Variants in CRKL observed in about 807,000 individuals in gnomAD.
The protein encoded by CRKL is CRK like proto-oncogene, adaptor protein.
Under a neutral mutation model 23.0 loss-of-function variants are expected in CRKL, and 3 were observed. The ratio of observed to expected loss-of-function variants is 0.13; its 90% CI spans 0.06 to 0.34. The LOEUF (loss-of-function observed/expected upper bound fraction) is 0.34. Ranked by LOEUF, CRKL falls within the 10% of genes least tolerant of loss-of-function variation. The pLI is 1.00. For synonymous variants in CRKL, 188 were observed against 160.7 expected (o/e 1.17, Z -1.28); for missense variants, 256 against 394.5 (o/e 0.65, Z 2.97).
At chr22:20,947,246 T>G (rs1372670565) in intron 2 of CRKL, among the ~76,000 whole-genome samples, 1 of 151,914 alleles carries the variant, frequency 6.6e-6, no homozygotes, top group Non-Finnish European at 1.5e-5. Flanking sequence ...TCTCTCTTTT[T>G]TTTTTTTTTC....
intron 1 of CRKL, among the ~76,000 whole-genome samples, chr22:20,931,406 C>CA (rs1225101227): frequency 3.3e-5 from 5 of 151,440 alleles, no homozygotes; most frequent in East Asian, 1.9e-4. Flanking sequence ...GACCCTGTCT[C>CA]AAAAAAAAGA....
intron 1 of CRKL, among the ~76,000 whole-genome samples, chr22:20,928,097 T>C (rs921043499): frequency 1.3e-5 from 2 of 151,882 alleles, no homozygotes; most frequent in African/African-American, 4.8e-5. Flanking sequence ...GCAGAGGTTT[T>C]GGTGAGCTGA....
intron 2 of CRKL, among the ~76,000 whole-genome samples, chr22:20,946,895 T>G (rs1170047406): frequency 7.9e-5 from 12 of 152,186 alleles, no homozygotes; most frequent in Non-Finnish European, 2.9e-5. Flanking sequence ...AAGCACTGTT[T>G]GGTAGAGCCA....
rs776895332 is a variant in CRKL, at chr22:20,918,242, C to A, written c.308C>A (p.Pro103His). Residue 103 changes from proline to histidine, a missense_variant, in exon 1 of 3, where the codon CCC becomes CAC. By Grantham distance (77) the Pro-to-His change is moderately conservative (BLOSUM62 -2). This residue lies in a region of CRKL where 42 missense variants were observed against 32.7 expected (regional missense o/e 1.29). Coordinates refer to ENST00000354336, the MANE Select transcript of CRKL (RefSeq NM_005207.4). Reference protein sequence around the residue: ...LDTTTLIEPAPRYPSPPMGSV... With the variant: ...LDTTTLIEPAHRYPSPPMGSV... ...ACCACCACCCTCATCGAGCCTGCGC[C>A]CAGGTACGCGAGAGCCCTCCCCGAC... 9 of 1,613,562 alleles carry A rather than the reference C, an allele frequency of 5.6e-6. No homozygotes were observed. The South Asian group carries it at 9.9e-5, about 18-fold the overall frequency.
intron 2 of CRKL, among the ~76,000 whole-genome samples, chr22:20,946,519 A>AT (rs1569138305): frequency 6.6e-6 from 1 of 152,140 alleles, no homozygotes; most frequent in African/African-American, 2.4e-5. Context: ...GTGAAAATTA[A>AT]TAAGGATGAT....
intron 1 of CRKL, among the ~76,000 whole-genome samples, chr22:20,926,895 T>C (rs1485651848): frequency 2.0e-5 from 3 of 151,918 alleles, no homozygotes; most frequent in East Asian, 1.9e-4. Context: ...GTGGATTGCC[T>C]GAGCTCATGC....
rs1231563303 is a variant in CRKL, at chr22:20,941,536, TTATG to T, written c.777+7294_777+7297del. On this transcript the variant is annotated intron_variant, in intron 2 of 2. Coordinates refer to ENST00000354336, the MANE Select transcript of CRKL (RefSeq NM_005207.4). ...GTGTATGTGTATATATATATATATT[TTATG>T]TGTGTGTGTGTGTGTGTGTGTGTGT... Among the ~76,000 whole-genome samples, 128 of 80,706 alleles carry T rather than the reference TTATG, an allele frequency of 1.6e-3. 9 individuals carry two copies. The highest frequency in any genetic ancestry group is 4.8e-3 in the African/African-American group (116 of 24,128). The allele number at this position is 80,706 out of a possible 152,430, so 52.9% of individuals were successfully genotyped here.
At chr22:20,941,590 T>TATATA (rs1921885807) in intron 2 of CRKL, among the ~76,000 whole-genome samples, 1 of 53,262 alleles carries the variant, frequency 1.9e-5, no homozygotes, top group African/African-American at 8.8e-5. Context: ...ATATATATAT[T>TATATA]TTTTTTTTTT....
In CRKL at chr22:20,952,037, C is replaced by T. The variant is rs1010332916; in HGVS notation, c.*2192C>T. On this transcript the variant is annotated 3_prime_UTR_variant, in exon 3 of 3. Coordinates refer to ENST00000354336, the MANE Select transcript of CRKL (RefSeq NM_005207.4). The stretch of plus-strand genomic sequence containing the variant: ...TATCACAAGAGTCCCCAGACTCTGC[C>T]TAGAAACAGTGTTTGCCCTTTGGCC... 1.3e-5 allele frequency: 3 copies of T among 225,778 alleles called. No homozygotes were observed. The highest frequency in any genetic ancestry group is 6.7e-5 in the African/African-American group (3 of 44,960). 14.0% of individuals were successfully genotyped at this position (225,778 alleles called of 1,614,324 possible).
chr22:20,923,197 A>G (rs1921054386), intron 1 of CRKL, among the ~76,000 whole-genome samples: 1 of 152,156 alleles, frequency 6.6e-6, no homozygotes, highest in Admixed American at 6.6e-5. Flanking sequence ...TTTGAGCATT[A>G]CATGTACCTG....
intron 2 of CRKL, among the ~76,000 whole-genome samples, chr22:20,948,873 C>T (rs138964727): frequency 6.6e-6 from 1 of 152,230 alleles, no homozygotes; most frequent in African/African-American, 2.4e-5. Flanking sequence ...ATTCAAGTAG[C>T]GTTTTTATGG....
chr22:20,944,906 G>A (rs1292908336), intron 2 of CRKL, among the ~76,000 whole-genome samples: 1 of 131,794 alleles, frequency 7.6e-6, no homozygotes, highest in African/African-American at 2.8e-5. Flanking sequence ...TAGTAGAATT[G>A]GGGTTTTACC....
At chr22:20,918,941 C>A (rs1200244398) in intron 1 of CRKL, among the ~76,000 whole-genome samples, 3 of 151,116 alleles carry the variant, frequency 2.0e-5, no homozygotes, top group Non-Finnish European at 3.0e-5. Flanking sequence ...GATAGCCGAG[C>A]ACTCACCACC....
chr22:20,933,571 G>A (rs1921543734), intron 1 of CRKL, among the ~76,000 whole-genome samples: 1 of 152,110 alleles, frequency 6.6e-6, no homozygotes, highest in East Asian at 1.9e-4. Context: ...AGGAGGCTGA[G>A]GCAGGAGCAT....
chr22:20,919,200 A>G (rs1929798676), intron 1 of CRKL, among the ~76,000 whole-genome samples: 1 of 152,138 alleles, frequency 6.6e-6, no homozygotes, highest in African/African-American at 2.4e-5. Context: ...AGACACCACC[A>G]CTTTTATAGT....
intron 1 of CRKL, among the ~76,000 whole-genome samples, chr22:20,918,838 C>T (rs1266752424): frequency 6.6e-6 from 1 of 152,160 alleles, no homozygotes; most frequent in Non-Finnish European, 1.5e-5. Flanking sequence ...GATCCGCCTG[C>T]CTCGGTCTCC....
chr22:20,947,559 C>T (rs558075657), intron 2 of CRKL, among the ~76,000 whole-genome samples: 1 of 147,360 alleles, frequency 6.8e-6, no homozygotes, highest in Non-Finnish European at 1.5e-5. Context: ...ATGCTGGTCT[C>T]GAACTCCTGA....
chr22:20,939,224 C>T, intron 2 of CRKL, among the ~76,000 whole-genome samples: 1 of 139,350 alleles, frequency 7.2e-6, no homozygotes, highest in African/African-American at 2.7e-5. Flanking sequence ...ACATCTGGAA[C>T]ATAAGTTGCT....
At chr22:20,946,307 T>C (rs1922050879) in intron 2 of CRKL, among the ~76,000 whole-genome samples, 1 of 152,082 alleles carries the variant, frequency 6.6e-6, no homozygotes, top group East Asian at 1.9e-4. Context: ...TCTGGACAAG[T>C]AGGGCTGTAG....
Sources: allele counts gnomAD v4.1 joint callset (sites outside exome capture counted in the v4.1 genomes callset), GRCh38; gene constraint gnomAD v4.1.1; regional missense constraint gnomAD v4.1.1; transcripts MANE v1.5; gene names NCBI Gene and HGNC (gene_info 2026-07-23, HGNC 2026-07-21).